The following CYP2C19 variants were observed in gnomAD, a reference collection of about 807,000 sequenced individuals.
CYP2C19 encodes cytochrome P450 2C19.
In CYP2C19, 59 loss-of-function variants were observed where a neutral mutation model predicts 40.9. That is an observed-to-expected ratio of 1.44 (90% CI 1.17 to 1.79). The LOEUF (loss-of-function observed/expected upper bound fraction) is 1.79. Among genes scored for constraint, CYP2C19 ranks in the 40% most tolerant of loss-of-function variants. CYP2C19 has a pLI of 0.00. For missense variants in CYP2C19, 754 were observed against 596.9 expected (o/e 1.26, Z -2.74); for synonymous variants, 253 against 208.7 (o/e 1.21, Z -1.83).
chr10:94,803,474 T>C (rs1363071277), intron 5 of CYP2C19, among the ~76,000 whole-genome samples: 1 of 152,212 alleles, frequency 6.6e-6, no homozygotes, highest in Non-Finnish European at 1.5e-5. Flanking sequence ...GGATCTTCTT[T>C]GTTTCCTCAG....
intron 4 of CYP2C19, 100 bp from the exon 5 acceptor site, chr10:94,781,721 T>G (rs983944038): frequency 3.9e-5 from 19 of 483,052 alleles, no homozygotes; most frequent in African/African-American, 2.0e-5. Context: ...CAATATATTT[T>G]ATTTATATTT....
chr10:94,824,686 A>T (rs1849185496), intron 6 of CYP2C19, among the ~76,000 whole-genome samples: 1 of 152,110 alleles, frequency 6.6e-6, no homozygotes, highest in Non-Finnish European at 1.5e-5. Flanking sequence ...TTTAAGTTTT[A>T]GGGTACATGT....
intron 5 of CYP2C19, among the ~76,000 whole-genome samples, chr10:94,818,741 G>A (rs1409534632): frequency 6.7e-6 from 1 of 149,210 alleles, no homozygotes; most frequent in Non-Finnish European, 1.5e-5. Flanking sequence ...CATTGATTTT[G>A]TATCCTGAGA....
chr10:94,823,510 A>AT lies in CYP2C19; in HGVS notation c.961+2878dup, dbSNP rs1463903368. The stretch of plus-strand genomic sequence containing the variant: ...AAGGGAACTGATCTAGAGAAATGAC[A>AT]TTTTTCTTTTGCCATCTTAACAGAA... On this transcript the variant is annotated intron_variant, in intron 6 of 8. Transcript: ENST00000371321. Among the ~76,000 whole-genome samples the AT allele has an allele frequency of 2.0e-5, 3 of 152,220 alleles. No homozygotes were observed. The East Asian group carries it at 5.8e-4, about 29-fold the overall frequency.
intron 5 of CYP2C19, among the ~76,000 whole-genome samples, chr10:94,789,382 C>T (rs1331106279): frequency 1.3e-5 from 2 of 151,900 alleles, no homozygotes; most frequent in Non-Finnish European, 2.9e-5. Context: ...GTTTTTGTTG[C>T]CATTACTTTT....
chr10:94,854,709 T>C lies in CYP2C19; in HGVS notation c.*1795T>C, dbSNP rs911983748. Among the ~76,000 whole-genome samples the C allele has an allele frequency of 6.6e-6, 1 of 152,080 alleles. No individual in the cohort carries two copies. Among genetic ancestry groups the C allele is most frequent in the African/African-American group, 2.4e-5 (1 of 41,406 alleles). ...TGTATAACTTATGCACACATACATATAGGGTTAAATGTTTATTTACAATAT... is the reference window on the plus strand; with the variant it reads ...TGTATAACTTATGCACACATACATACAGGGTTAAATGTTTATTTACAATAT... On this transcript the variant is annotated 3_prime_UTR_variant, in exon 9 of 9. Coordinates refer to ENST00000371321, the MANE Select transcript of CYP2C19 (RefSeq NM_000769.4).
intron 5 of CYP2C19, among the ~76,000 whole-genome samples, chr10:94,792,352 A>C (rs534703090): frequency 6.6e-6 from 1 of 152,244 alleles, no homozygotes; most frequent in African/African-American, 2.4e-5. Context: ...CATTTGGCCC[A>C]TTTACATTTA....
chr10:94,770,136 A>G (rs1384156103), intron 1 of CYP2C19, among the ~76,000 whole-genome samples: 1 of 152,004 alleles, frequency 6.6e-6, no homozygotes, highest in Non-Finnish European at 1.5e-5. Flanking sequence ...CTGGCCCTCA[A>G]TGGTTAAACA....
intron 5 of CYP2C19, among the ~76,000 whole-genome samples, chr10:94,800,940 T>C (rs1269520360): frequency 6.6e-6 from 1 of 152,126 alleles, no homozygotes; most frequent in African/African-American, 2.4e-5. Context: ...TTCCCTTCAC[T>C]AAGAAAGGGA....
At chr10:94,780,751 A>T (rs1049699396) in intron 4 of CYP2C19, 92 bp downstream of exon 4, 3 of 1,387,658 alleles carry the variant, frequency 2.2e-6, no homozygotes, top group African/African-American at 1.4e-5. Context: ...CCTGAAGTAC[A>T]TTTTTGAATA....
chr10:94,829,243 A>G (rs1364339244), intron 6 of CYP2C19, among the ~76,000 whole-genome samples: 3 of 152,152 alleles, frequency 2.0e-5, no homozygotes, highest in Admixed American at 1.3e-4. Flanking sequence ...CTCCTGGATA[A>G]TATCCTGCAG....
At chr10:94,821,414 A>C (rs531375304) in intron 6 of CYP2C19, among the ~76,000 whole-genome samples, 10 of 152,234 alleles carry the variant, frequency 6.6e-5, no homozygotes, top group Admixed American at 1.3e-4. Flanking sequence ...TGGTAATCCT[A>C]GAAATGTAGT....
At chr10:94,830,873 A>G (rs1043251397) in intron 6 of CYP2C19, among the ~76,000 whole-genome samples, 1 of 152,120 alleles carries the variant, frequency 6.6e-6, no homozygotes, top group East Asian at 1.9e-4. Context: ...AGAATGGGGT[A>G]TCTGTGCCCT....
intron 1 of CYP2C19, among the ~76,000 whole-genome samples, chr10:94,768,245 G>A (rs1247369673): frequency 6.6e-6 from 1 of 152,106 alleles, no homozygotes; most frequent in Admixed American, 6.5e-5. Context: ...CTGCTAACTG[G>A]GCACTGGTCC....
chr10:94,808,153 C>T (rs769330089), intron 5 of CYP2C19, among the ~76,000 whole-genome samples: 6 of 151,968 alleles, frequency 3.9e-5, no homozygotes, highest in Non-Finnish European at 8.8e-5. Context: ...GTTCTTGGTG[C>T]CTTGTCAATA....
chr10:94,782,032 C>T, intron 5 of CYP2C19, 35 bp downstream of exon 5: 1 of 1,493,490 alleles, frequency 6.7e-7, no homozygotes, highest in Non-Finnish European at 8.9e-7. Flanking sequence ...TATGTGACTG[C>T]TTGCGTATTT....
intron 5 of CYP2C19, among the ~76,000 whole-genome samples, chr10:94,816,669 C>T (rs560651831): frequency 1.1e-3 from 165 of 150,844 alleles, no homozygotes; most frequent in African/African-American, 3.9e-3. Flanking sequence ...TCCTGGTGCG[C>T]TGCACCCACT....
chr10:94,807,118 A>G (rs1263456292), intron 5 of CYP2C19, among the ~76,000 whole-genome samples: 1 of 152,126 alleles, frequency 6.6e-6, no homozygotes, highest in Admixed American at 6.6e-5. Flanking sequence ...TAGCTACCAT[A>G]TAAGAATAAG....
chr10:94,841,057 C>T (rs571747530), intron 6 of CYP2C19, among the ~76,000 whole-genome samples: 1 of 151,972 alleles, frequency 6.6e-6, no homozygotes, highest in Non-Finnish European at 1.5e-5. Flanking sequence ...TGGTGATCCA[C>T]TTCCAAGATG....
Sources: gnomAD v4.1 joint callset for allele counts (sites outside exome capture counted in the v4.1 genomes callset) on GRCh38, gnomAD v4.1.1 for gene constraint, MANE v1.5 for transcripts, NCBI Gene and HGNC (gene_info 2026-07-23, HGNC 2026-07-21) for gene names.